The following PLD1 variants were observed in gnomAD, a reference collection of about 807,000 sequenced individuals.
PLD1 encodes the protein choline phosphatase 1.
In PLD1, 112 loss-of-function variants were observed where a neutral mutation model predicts 137.1. The observed-to-expected ratio is 0.82, with a 90% CI of 0.70 to 0.96. PLD1 has a LOEUF of 0.96. PLD1 is among the 40% of genes least tolerant of loss of function. The pLI, the probability that PLD1 is intolerant of heterozygous loss-of-function variation, is 0.00. For synonymous variants in PLD1, 431 were observed against 454.7 expected (o/e 0.95, Z 0.66); for missense variants, 1,321 against 1,342.0 (o/e 0.98, Z 0.24).
chr3:171,739,103 T>A (rs1719588778), intron 1 of PLD1, among the ~76,000 whole-genome samples: 1 of 152,160 alleles, frequency 6.6e-6, no homozygotes, highest in African/African-American at 2.4e-5. Context: ...GAGCACCTGA[T>A]ATGGGTGAGG....
At chr3:171,677,075 C>T (rs1004843495) in intron 17 of PLD1, among the ~76,000 whole-genome samples, 7 of 152,230 alleles carry the variant, frequency 4.6e-5, no homozygotes, top group African/African-American at 1.7e-4. Flanking sequence ...AATCACTAGA[C>T]ATGGCAAGAT....
chr3:171,651,326 GTGTGT>G (rs1255108333), intron 21 of PLD1, among the ~76,000 whole-genome samples: 11 of 37,034 alleles, frequency 3.0e-4, no homozygotes, highest in South Asian at 2.0e-3. Context: ...GGCTTAGGGT[GTGTGT>G]GTGTGTGTGT....
intron 25 of PLD1, among the ~76,000 whole-genome samples, chr3:171,609,504 G>C (rs1221724495): frequency 9.6e-6 from 1 of 104,510 alleles, no homozygotes; most frequent in Non-Finnish European, 2.0e-5. Flanking sequence ...ATTACATAAA[G>C]AAAACACACA....
chr3:171,640,184 T>C (rs1735622765), intron 23 of PLD1, among the ~76,000 whole-genome samples: 1 of 151,938 alleles, frequency 6.6e-6, no homozygotes, highest in South Asian at 2.1e-4. Flanking sequence ...TCTCTGTTAT[T>C]TATTTTATTC....
chr3:171,731,891 C>T (rs1037928229), intron 6 of PLD1, among the ~76,000 whole-genome samples: 42 of 152,184 alleles, frequency 2.8e-4, no homozygotes, highest in African/African-American at 9.6e-4. Context: ...ACAACATGGC[C>T]TAACTTTGAA....
At chr3:171,739,456 C>A (rs1719615039) in intron 1 of PLD1, among the ~76,000 whole-genome samples, 1 of 152,160 alleles carries the variant, frequency 6.6e-6, no homozygotes, top group Non-Finnish European at 1.5e-5. Context: ...AATCATGTTT[C>A]TTTCTCTATG....
chr3:171,675,447 C>T (rs1713250210), intron 18 of PLD1, among the ~76,000 whole-genome samples: 2 of 152,010 alleles, frequency 1.3e-5, no homozygotes, highest in Non-Finnish European at 2.9e-5. Flanking sequence ...AGTTTGAATA[C>T]CCGGAAATAG....
intron 1 of PLD1, among the ~76,000 whole-genome samples, chr3:171,784,694 C>T (rs925669596): frequency 2.0e-5 from 3 of 152,278 alleles, no homozygotes; most frequent in African/African-American, 7.2e-5. Context: ...TCTTCAAGCT[C>T]CAGCTCAAAC....
Position 171,687,443 on chromosome 3 carries a change from T to C in PLD1, c.1681A>G (p.Ser561Gly). ...TGCCTGTGGAGCTGCTTGTAGAGAC[T>C]AAATTTGGAGAACTTTCTTGGCTTT... ...IGKPRKFSKF[S>G]LYKQLHRHHL... The change falls in exon 15 of 27, where the codon AGT (serine) becomes GGT (glycine). Residue 561 changes from serine to glycine, a missense_variant. Physicochemically the swap from Ser to Gly is moderately conservative, Grantham distance 56. Transcript: ENST00000351298. The C allele has an allele frequency of 6.2e-7, 1 of 1,614,176 alleles. No homozygotes were observed. The highest frequency in any genetic ancestry group is 8.5e-7 in the Non-Finnish European group (1 of 1,180,022).
In PLD1 at chr3:171,612,536, TC is replaced by T; in HGVS notation, c.2729-105del. 1 of 1,134,762 alleles carries T rather than the reference TC, an allele frequency of 8.8e-7. No homozygotes were observed. Among genetic ancestry groups the T allele is most frequent in the Non-Finnish European group, 1.3e-6 (1 of 771,128 alleles). The allele number at this position is 1,134,762 out of a possible 1,614,324, so 70.3% of individuals were successfully genotyped here. The stretch of plus-strand genomic sequence containing the variant: ...CCTTGCAAACAAAACCGTAATTTTG[TC>T]CAGGTTTTCAAGGGAAGATGTGTTT... On this transcript the variant is annotated intron_variant, in intron 24 of 26. Coordinates refer to ENST00000351298, the MANE Select transcript of PLD1 (RefSeq NM_002662.5). This position sits in a 1 kb window ranked among gnomAD's most constrained non-coding sequence, Gnocchi z 4.1.
At chr3:171,774,342 G>T (rs528120345) in intron 1 of PLD1, among the ~76,000 whole-genome samples, 7 of 152,128 alleles carry the variant, frequency 4.6e-5, no homozygotes, top group Non-Finnish European at 1.0e-4. Context: ...GAAGGGAAAG[G>T]GTCCCCAGGG....
At chr3:171,631,127 A>G (rs1425799184) in intron 23 of PLD1, among the ~76,000 whole-genome samples, 1 of 152,184 alleles carries the variant, frequency 6.6e-6, no homozygotes, top group Non-Finnish European at 1.5e-5. Flanking sequence ...AATCCAAGCA[A>G]ATCAAGTTAA....
At chr3:171,715,587 C>A (rs1251672874) in intron 8 of PLD1, among the ~76,000 whole-genome samples, 1 of 151,534 alleles carries the variant, frequency 6.6e-6, no homozygotes, top group Non-Finnish European at 1.5e-5. Context: ...AGTATTAATT[C>A]TTCTGATCCT....
intron 21 of PLD1, among the ~76,000 whole-genome samples, chr3:171,656,765 A>C (rs1189831270): frequency 6.6e-6 from 1 of 152,154 alleles, no homozygotes; most frequent in African/African-American, 2.4e-5. Flanking sequence ...TCACCATGGG[A>C]TCAAGACATC....
At chr3:171,689,712 T>C (rs907615356) in intron 13 of PLD1, among the ~76,000 whole-genome samples, 7 of 152,192 alleles carry the variant, frequency 4.6e-5, no homozygotes, top group African/African-American at 1.7e-4. Flanking sequence ...ATGTTGCTAA[T>C]GCTGGTTTTG....
intron 20 of PLD1, among the ~76,000 whole-genome samples, chr3:171,660,686 ACCTT>A (rs1737595248): frequency 6.6e-6 from 1 of 152,078 alleles, no homozygotes; most frequent in South Asian, 2.1e-4. Context: ...GCTCACTGCA[ACCTT>A]CGCCTCCCAG....
At chr3:171,761,013 AGTT>A (rs907170132) in intron 1 of PLD1, among the ~76,000 whole-genome samples, 12 of 152,362 alleles carry the variant, frequency 7.9e-5, no homozygotes, top group African/African-American at 2.6e-4. Flanking sequence ...ACATACACAG[AGTT>A]GTTCCTTGCT....
chr3:171,748,670 A>G (rs115383585), intron 1 of PLD1, among the ~76,000 whole-genome samples: 1 of 151,862 alleles, frequency 6.6e-6, no homozygotes, highest in Admixed American at 6.6e-5. Flanking sequence ...AATTACTAAA[A>G]ATGTTTGTTG....
At chr3:171,740,988 G>A (rs936372250) in intron 1 of PLD1, among the ~76,000 whole-genome samples, 1 of 152,070 alleles carries the variant, frequency 6.6e-6, no homozygotes. Context: ...TTTATTTTAT[G>A]GGCTTGAATG....
Sources: gnomAD v4.1 joint callset for allele counts (sites outside exome capture counted in the v4.1 genomes callset) on GRCh38, gnomAD v4.1.1 for gene constraint, Gnocchi (gnomAD v3.1) non-coding constraint, MANE v1.5 for transcripts, NCBI Gene and HGNC (gene_info 2026-07-23, HGNC 2026-07-21) for gene names.